The following MGAT5 variants were observed in gnomAD, a reference collection of about 807,000 sequenced individuals.
MGAT5 encodes the protein alpha-1,6-mannosylglycoprotein 6-beta-N-acetylglucosaminyltransferase.
In MGAT5, 30 loss-of-function variants were observed where a neutral mutation model predicts 94.3. The ratio of observed to expected loss-of-function variants is 0.32; its 90% CI spans 0.24 to 0.43. The LOEUF (loss-of-function observed/expected upper bound fraction) is 0.43. Ranked by LOEUF, MGAT5 falls within the 20% of genes least tolerant of loss-of-function variation. MGAT5 has a pLI of 1.00. For synonymous variants in MGAT5, 310 were observed against 322.9 expected (o/e 0.96, Z 0.43); for missense variants, 691 against 905.5 (o/e 0.76, Z 3.04).
intron 6 of MGAT5, among the ~76,000 whole-genome samples, chr2:134,339,183 G>T (rs1328674027): frequency 6.6e-6 from 1 of 152,184 alleles, no homozygotes; most frequent in Non-Finnish European, 1.5e-5. Flanking sequence ...TAGATCTCTT[G>T]AATTTGTGAG....
chr2:134,220,660 GCA>G (rs1680715992), intron 1 of MGAT5, among the ~76,000 whole-genome samples: 1 of 152,212 alleles, frequency 6.6e-6, no homozygotes, highest in African/African-American at 2.4e-5. Flanking sequence ...GTATGTGTAT[GCA>G]CGCTGCTGCT....
intron 1 of MGAT5, among the ~76,000 whole-genome samples, chr2:134,206,055 T>G (rs796199799): frequency 6.6e-6 from 1 of 152,238 alleles, no homozygotes; most frequent in African/African-American, 2.4e-5. Flanking sequence ...TTACATTGCC[T>G]TATATTTGTG....
intron 13 of MGAT5, among the ~76,000 whole-genome samples, chr2:134,425,936 T>G (rs1461518095): frequency 6.6e-6 from 1 of 151,690 alleles, no homozygotes; most frequent in Non-Finnish European, 1.5e-5. Flanking sequence ...CCAAGAATAC[T>G]TCCTTGCTTC....
At chr2:134,282,310 G>A (rs1007018330) in intron 2 of MGAT5, among the ~76,000 whole-genome samples, 3 of 152,210 alleles carry the variant, frequency 2.0e-5, no homozygotes, top group African/African-American at 7.2e-5. Context: ...GAGCTGTCAA[G>A]CCAGGCACCT....
At chr2:134,349,646 A>G (rs1179186812) in intron 8 of MGAT5, among the ~76,000 whole-genome samples, 159 bp from the exon 9 acceptor site, 1 of 152,246 alleles carries the variant, frequency 6.6e-6, no homozygotes, top group African/African-American at 2.4e-5. Context: ...GATGTTCGGT[A>G]CACAAGCTAT....
intron 4 of MGAT5, among the ~76,000 whole-genome samples, chr2:134,332,895 C>G (rs951788800): frequency 6.6e-6 from 1 of 151,674 alleles, no homozygotes; most frequent in Non-Finnish European, 1.5e-5. Context: ...ATACCATCTC[C>G]TACCAGTTAG....
At chr2:134,311,008 T>C (rs1686620073) in intron 2 of MGAT5, among the ~76,000 whole-genome samples, 1 of 152,202 alleles carries the variant, frequency 6.6e-6, no homozygotes, top group South Asian at 2.1e-4. Flanking sequence ...ATATCAGGTG[T>C]GCCAAGAGAA....
At chr2:134,192,102 C>T (rs1014425878) in intron 1 of MGAT5, among the ~76,000 whole-genome samples, 2 of 115,430 alleles carry the variant, frequency 1.7e-5, no homozygotes, top group African/African-American at 6.6e-5. Flanking sequence ...TGGGTTTGCG[C>T]GCTCCTCGCG....
At chr2:134,177,245 G>C (rs1397314402) in intron 1 of MGAT5, among the ~76,000 whole-genome samples, 1 of 150,394 alleles carries the variant, frequency 6.6e-6, no homozygotes, top group Non-Finnish European at 1.5e-5. Flanking sequence ...AGTTCTATGG[G>C]ATGGGAGGGA....
chr2:134,330,396 G>A (rs576672472), intron 4 of MGAT5, among the ~76,000 whole-genome samples: 153 of 152,222 alleles, frequency 1.0e-3, no homozygotes, highest in Admixed American at 2.0e-3. Context: ...TAACTCTAAT[G>A]TATCCTGGTC....
At chr2:134,354,047 CT>C (rs1310862213) in intron 9 of MGAT5, among the ~76,000 whole-genome samples, 1 of 152,116 alleles carries the variant, frequency 6.6e-6, no homozygotes, top group Non-Finnish European at 1.5e-5. Context: ...ATTCCTTTAC[CT>C]TTTGGGTCAA....
intron 1 of MGAT5, among the ~76,000 whole-genome samples, chr2:134,120,719 TGGGCC>T (rs1214367002): frequency 3.3e-5 from 5 of 150,830 alleles, no homozygotes; most frequent in Non-Finnish European, 5.9e-5. Context: ...GCCGCAGGCG[TGGGCC>T]GGGCCGGGCC....
intron 7 of MGAT5, among the ~76,000 whole-genome samples, chr2:134,344,249 A>T (rs3791286): frequency 0.13 from 19,375 of 152,132 alleles, 1,453 homozygotes; most frequent in South Asian, 0.25. Context: ...GTGTGGATGG[A>T]TGCATGGGTG....
intron 1 of MGAT5, among the ~76,000 whole-genome samples, chr2:134,181,517 A>C (rs1688734359): frequency 6.6e-6 from 1 of 152,032 alleles, no homozygotes; most frequent in South Asian, 2.1e-4. Context: ...GTCTGTAGAG[A>C]CTGAAAACAA....
chr2:134,180,204 C>T (rs1257129390), intron 1 of MGAT5, among the ~76,000 whole-genome samples: 1 of 152,190 alleles, frequency 6.6e-6, no homozygotes, highest in Non-Finnish European at 1.5e-5. Flanking sequence ...GCCGCTCTGC[C>T]TGTGGAGTAG....
chr2:134,326,768 G>A (rs1202951982), intron 4 of MGAT5, among the ~76,000 whole-genome samples: 1 of 152,136 alleles, frequency 6.6e-6, no homozygotes, highest in Admixed American at 6.6e-5. Flanking sequence ...AGGGCAAGAA[G>A]TACTTATGAG....
intron 2 of MGAT5, among the ~76,000 whole-genome samples, chr2:134,275,058 C>T (rs1282528314): frequency 6.6e-6 from 1 of 152,126 alleles, no homozygotes; most frequent in Non-Finnish European, 1.5e-5. Flanking sequence ...TACCTGTGCT[C>T]TTTCCTTGTA....
intron 1 of MGAT5, among the ~76,000 whole-genome samples, chr2:134,123,657 C>T (rs924389428): frequency 3.9e-5 from 6 of 152,092 alleles, no homozygotes; most frequent in Non-Finnish European, 7.3e-5. Flanking sequence ...TTAGCTTTGT[C>T]TCTGGGGGTT....
chr2:134,310,900 T>C (rs939218345), intron 2 of MGAT5, among the ~76,000 whole-genome samples: 1 of 152,176 alleles, frequency 6.6e-6, no homozygotes, highest in African/African-American at 2.4e-5. Context: ...ATTGTGGAGA[T>C]TGAGTCGGTT....
Sources: allele counts gnomAD v4.1 joint callset (sites outside exome capture counted in the v4.1 genomes callset), GRCh38; gene constraint gnomAD v4.1.1; transcripts MANE v1.5; gene names NCBI Gene and HGNC (gene_info 2026-07-23, HGNC 2026-07-21).